TMEM232: variants seen among roughly 807,000 people sequenced by gnomAD.
TMEM232 encodes the protein transmembrane protein 232.
TMEM232 carries 80 observed loss-of-function variants against 78.8 expected under a neutral mutation model. The ratio of observed to expected loss-of-function variants is 1.01; its 90% CI spans 0.85 to 1.22. The LOEUF (loss-of-function observed/expected upper bound fraction) is 1.22, where lower values mean the gene tolerates loss of function less well. Among genes scored for constraint, TMEM232 ranks in the 50% most tolerant of loss-of-function variants. The pLI is 0.00. For missense variants in TMEM232, 881 were observed against 742.2 expected (o/e 1.19, Z -2.17); for synonymous variants, 297 against 254.3 (o/e 1.17, Z -1.60).
intron 8 of TMEM232, among the ~76,000 whole-genome samples, chr5:110,607,692 C>T (rs905473292): frequency 6.6e-6 from 1 of 151,882 alleles, no homozygotes; most frequent in African/African-American, 2.4e-5. Context: ...CCATACAGTG[C>T]AGATTGGTTA....
chr5:110,401,381 G>C (rs73217181), intron 2 of TMEM232, among the ~76,000 whole-genome samples: 4,570 of 151,678 alleles, frequency 0.03, 254 homozygotes, highest in African/African-American at 0.11. Context: ...ACATATAAGA[G>C]GTGACTGGAA....
chr5:110,521,070 T>C (rs1173236998), intron 12 of TMEM232, among the ~76,000 whole-genome samples: 1 of 152,140 alleles, frequency 6.6e-6, no homozygotes, highest in African/African-American at 2.4e-5. Context: ...GGCTGGGCTG[T>C]ATGGTCCAAG....
At chr5:110,696,512 T>G (rs1794797797) in intron 1 of TMEM232, among the ~76,000 whole-genome samples, 1 of 152,166 alleles carries the variant, frequency 6.6e-6, no homozygotes, top group Non-Finnish European at 1.5e-5. Context: ...GAAGTCAAAT[T>G]GTCCCTGTTT....
At chr5:110,618,917 A>C (rs1157384183) in intron 7 of TMEM232, among the ~76,000 whole-genome samples, 1 of 152,196 alleles carries the variant, frequency 6.6e-6, no homozygotes, top group Non-Finnish European at 1.5e-5. Flanking sequence ...AGGAATGGGG[A>C]AAGTTTGAAC....
chr5:110,488,683 T>C (rs1033327485), intron 12 of TMEM232, among the ~76,000 whole-genome samples: 1 of 151,904 alleles, frequency 6.6e-6, no homozygotes, highest in Non-Finnish European at 1.5e-5. Context: ...AAGATAAACC[T>C]AAAGCCAGAA....
downstream of TMEM232, among the ~76,000 whole-genome samples, chr5:110,419,215 G>T (rs1256709453): frequency 6.6e-6 from 1 of 151,938 alleles, no homozygotes; most frequent in Non-Finnish European, 1.5e-5. Context: ...ATGGAGGAAG[G>T]TATTTGGAAA....
intron 1 of TMEM232, among the ~76,000 whole-genome samples, chr5:110,699,733 C>T (rs936095248): frequency 5.3e-5 from 8 of 152,056 alleles, no homozygotes; most frequent in African/African-American, 1.2e-4. Flanking sequence ...CTTGAACCTT[C>T]CTCTCACTTG....
At chr5:110,515,117 C>A (rs1307672814) in intron 12 of TMEM232, among the ~76,000 whole-genome samples, 1 of 152,158 alleles carries the variant, frequency 6.6e-6, no homozygotes, top group East Asian at 1.9e-4. Flanking sequence ...GACTAATTAA[C>A]CTCATCAAAA....
At chr5:110,442,241 C>A (rs770574633) in intron 12 of TMEM232, among the ~76,000 whole-genome samples, 2 of 151,574 alleles carry the variant, frequency 1.3e-5, no homozygotes, top group Non-Finnish European at 2.9e-5. Flanking sequence ...TCTTTAAGGC[C>A]AATAACTCTT....
At chr5:110,707,117 G>A (rs1795999828) in intron 1 of TMEM232, among the ~76,000 whole-genome samples, 1 of 152,162 alleles carries the variant, frequency 6.6e-6, no homozygotes, top group Non-Finnish European at 1.5e-5. Flanking sequence ...TACACCACTT[G>A]GCACCTCCTC....
At chr5:110,425,011 C>T in intron 12 of TMEM232, 95 bp from the exon 13 acceptor site, 1 of 881,596 alleles carries the variant, frequency 1.1e-6, no homozygotes, top group Non-Finnish European at 1.7e-6. Flanking sequence ...TATTATTAAG[C>T]ATTTTGATTC....
intron 10 of TMEM232, among the ~76,000 whole-genome samples, chr5:110,579,214 G>GA (rs753054194): frequency 2.6e-4 from 38 of 146,392 alleles, no homozygotes; most frequent in Non-Finnish European, 4.4e-4. Context: ...AGGGATGGAA[G>GA]AAAAAAAATC....
chr5:110,603,690 T>C (rs1039580924), intron 10 of TMEM232, among the ~76,000 whole-genome samples: 1 of 152,054 alleles, frequency 6.6e-6, no homozygotes, highest in Non-Finnish European at 1.5e-5. Context: ...AATATAAACA[T>C]GGAAGAAATA....
intron 12 of TMEM232, among the ~76,000 whole-genome samples, chr5:110,519,767 C>G (rs1769225351): frequency 6.6e-6 from 1 of 151,642 alleles, no homozygotes; most frequent in Non-Finnish European, 1.5e-5. Context: ...GGTATATATA[C>G]ACAATGTAAT....
intron 2 of TMEM232, among the ~76,000 whole-genome samples, chr5:110,649,101 G>A (rs374746464): frequency 6.6e-6 from 1 of 151,912 alleles, no homozygotes; most frequent in African/African-American, 2.4e-5. Flanking sequence ...AATGTCAAGG[G>A]AATGAAAAAT....
At position 110,691,943 on chromosome 5, in the gene TMEM232, C is replaced by G. The variant is rs144190239; in HGVS notation, c.-12-24579G>C. On this transcript the variant is annotated intron_variant, in intron 1 of 13. Coordinates refer to ENST00000455884, the MANE Select transcript of TMEM232 (RefSeq NM_001039763.4). ...TTGTTTGTTTTTTGTTTTTTTGGGACGGAGTCTCACTCTGTCGCCCAGGCT... is the reference window on the plus strand; with the variant it reads ...TTGTTTGTTTTTTGTTTTTTTGGGAGGGAGTCTCACTCTGTCGCCCAGGCT... Among the ~76,000 whole-genome samples the G allele has an allele frequency of 6.5e-4, 99 of 152,062 alleles. 1 individual carries two copies. Among genetic ancestry groups the G allele is most frequent in the Middle Eastern group, 6.8e-3 (2 of 294 alleles).
Position 110,519,982 on chromosome 5 carries a change from A to T in TMEM232, c.1703+8606T>A, listed in dbSNP as rs1769257060. Among the ~76,000 whole-genome samples, 9 of 151,074 alleles carry T rather than the reference A, an allele frequency of 6.0e-5. No individual in the cohort carries two copies. The South Asian group carries it at 1.9e-3, about 32-fold the overall frequency. ...CTAGAAGTCAGGAGGAGTAGTGAAGAGTGAAGAGGGAGGGAGGGATAAAGA... is the reference window on the plus strand; with the variant it reads ...CTAGAAGTCAGGAGGAGTAGTGAAGTGTGAAGAGGGAGGGAGGGATAAAGA... On this transcript the variant is annotated intron_variant, in intron 12 of 13. Transcript: ENST00000455884.
chr5:110,555,788 T>A (rs1012727546), intron 11 of TMEM232, among the ~76,000 whole-genome samples: 5 of 152,186 alleles, frequency 3.3e-5, no homozygotes, highest in African/African-American at 7.2e-5. Flanking sequence ...TGGTTTAAAA[T>A]CCGTTTTGCC....
chr5:110,545,738 G>A (rs1773689496), intron 11 of TMEM232, among the ~76,000 whole-genome samples: 1 of 152,018 alleles, frequency 6.6e-6, no homozygotes, highest in Admixed American at 6.6e-5. Flanking sequence ...ACCACAAAGT[G>A]CTTTACCTGA....
Sources: allele counts gnomAD v4.1 joint callset (sites outside exome capture counted in the v4.1 genomes callset), GRCh38; gene constraint gnomAD v4.1.1; transcripts MANE v1.5; gene names NCBI Gene and HGNC (gene_info 2026-07-23, HGNC 2026-07-21).